The following CALN1 variants were observed in gnomAD, a reference collection of about 807,000 sequenced individuals.
CALN1 encodes the protein calneuron 1, also known as calcium-binding protein 8.
In CALN1, 17 loss-of-function variants were observed where a neutral mutation model predicts 30.6. The ratio of observed to expected loss-of-function variants is 0.56; its 90% CI spans 0.38 to 0.83. The LOEUF (loss-of-function observed/expected upper bound fraction) is 0.83. CALN1 is among the 40% of genes least tolerant of loss of function. The probability of loss-of-function intolerance (pLI) is 0.00; values close to 1 mark genes in which losing one functional copy is unlikely to be tolerated. For missense variants in CALN1, 291 were observed against 354.9 expected (o/e 0.82, Z 1.45); for synonymous variants, 156 against 131.4 (o/e 1.19, Z -1.28).
intron 5 of CALN1, among the ~76,000 whole-genome samples, chr7:71,823,971 A>C (rs1381004561): frequency 6.6e-6 from 1 of 152,114 alleles, no homozygotes; most frequent in African/African-American, 2.4e-5. Context: ...AGTATGGGAA[A>C]GATCCGCCTT....
chr7:71,905,158 T>C (rs13231789), intron 5 of CALN1, among the ~76,000 whole-genome samples: 13,526 of 152,146 alleles, frequency 0.089, 1,019 homozygotes, highest in East Asian at 0.42. Flanking sequence ...GGGCTGGTCT[T>C]GAACTCCCGA....
chr7:72,377,436 CGTGTGTGT>C lies in CALN1; in HGVS notation c.119+25807_119+25814del, dbSNP rs138060244. On this transcript the variant is annotated intron_variant, in intron 2 of 6. Coordinates refer to ENST00000395275, the MANE Select transcript of CALN1 (RefSeq NM_031468.4). The stretch of plus-strand genomic sequence containing the variant: ...CTTTGGGTAATATGGGCCACACTTT[CGTGTGTGT>C]GTGTGTGTGTGTGTGTGTGTGTGTG... Among the ~76,000 whole-genome samples, 692 of 142,386 alleles carry C rather than the reference CGTGTGTGT, an allele frequency of 4.9e-3. 1 individual carries two copies. The highest frequency in any genetic ancestry group is 6.0e-3 in the African/African-American group (225 of 37,756). 93.4% of individuals were successfully genotyped at this position (142,386 alleles called of 152,430 possible).
intron 3 of CALN1, among the ~76,000 whole-genome samples, chr7:72,209,321 CTT>C (rs1562740087): frequency 8.8e-3 from 292 of 33,180 alleles, no homozygotes; most frequent in Middle Eastern, 0.024. Context: ...TCCTTCCCTC[CTT>C]CCCTCTTTCC....
At chr7:72,447,221 G>A (rs995200569), upstream of CALN1, 1 of 152,610 alleles carries the variant, frequency 6.6e-6, no homozygotes, top group Admixed American at 6.5e-5. Flanking sequence ...TAAAGGGCTA[G>A]AGTCCCAATT....
chr7:72,260,429 C>A (rs984441358), intron 3 of CALN1, among the ~76,000 whole-genome samples: 2 of 152,192 alleles, frequency 1.3e-5, no homozygotes, highest in African/African-American at 2.4e-5. Flanking sequence ...CACGGGTGCA[C>A]AGACCCCAGG....
At chr7:72,495,569 C>A in the CALN1 span, among the ~76,000 whole-genome samples, 2 of 152,186 alleles carry the variant, frequency 1.3e-5, no homozygotes, top group Non-Finnish European at 2.9e-5. Context: ...ACCCCATGAG[C>A]AAAAGACCCC....
At chr7:71,971,689 G>A (rs573500579) in intron 5 of CALN1, among the ~76,000 whole-genome samples, 7 of 151,664 alleles carry the variant, frequency 4.6e-5, no homozygotes, top group African/African-American at 1.7e-4. Flanking sequence ...CTTGAGCCTG[G>A]GACTTTGAGA....
chr7:72,246,500 A>C (rs1430712826), intron 3 of CALN1, among the ~76,000 whole-genome samples: 3 of 152,158 alleles, frequency 2.0e-5, no homozygotes, highest in Non-Finnish European at 4.4e-5. Flanking sequence ...GCTAACTTTC[A>C]GTAACTCTAT....
At chr7:72,403,604 TGTTTA>T (rs1456378143) in intron 1 of CALN1, among the ~76,000 whole-genome samples, 162 bp from the exon 2 acceptor site, 2 of 152,160 alleles carry the variant, frequency 1.3e-5, no homozygotes, top group African/African-American at 4.8e-5. Context: ...TTGAGACACA[TGTTTA>T]GTTATTAATA....
chr7:72,008,472 T>C (rs1799895908), intron 5 of CALN1, among the ~76,000 whole-genome samples: 1 of 112,676 alleles, frequency 8.9e-6, no homozygotes, highest in Non-Finnish European at 1.7e-5. Flanking sequence ...TTATAAATGA[T>C]AATAAATGAT....
At chr7:72,267,882 T>C (rs1796698025) in intron 3 of CALN1, among the ~76,000 whole-genome samples, 1 of 152,152 alleles carries the variant, frequency 6.6e-6, no homozygotes, top group Non-Finnish European at 1.5e-5. Context: ...TGTTGTGCAC[T>C]TGTAGCCTCA....
intron 5 of CALN1, among the ~76,000 whole-genome samples, chr7:71,872,088 T>C (rs575426010): frequency 6.6e-6 from 1 of 152,364 alleles, no homozygotes; most frequent in Admixed American, 6.5e-5. Flanking sequence ...AATAACCATA[T>C]GTAGCTCAGG....
chr7:72,478,442 T>A, the CALN1 span, among the ~76,000 whole-genome samples: 1 of 151,090 alleles, frequency 6.6e-6, no homozygotes, highest in African/African-American at 2.4e-5. Context: ...CATGTTCCTG[T>A]AGTCCCAGCT....
intron 3 of CALN1, among the ~76,000 whole-genome samples, chr7:72,229,943 C>T (rs1242456897): frequency 1.3e-5 from 2 of 151,820 alleles, no homozygotes; most frequent in Admixed American, 6.6e-5. Flanking sequence ...GAGATCGAGA[C>T]CATCCTGGCT....
At chr7:72,302,169 G>A (rs947539121) in intron 2 of CALN1, among the ~76,000 whole-genome samples, 6 of 152,068 alleles carry the variant, frequency 3.9e-5, no homozygotes, top group African/African-American at 7.2e-5. Context: ...CAGAGACCAC[G>A]GAGAGGAAAT....
At chr7:72,111,388 G>C (rs1382655512) in intron 3 of CALN1, among the ~76,000 whole-genome samples, 2 of 152,212 alleles carry the variant, frequency 1.3e-5, no homozygotes, top group Admixed American at 6.5e-5. Flanking sequence ...AGAGAGTCTT[G>C]AGCCAAGCAA....
chr7:72,065,507 A>G (rs941935113), intron 4 of CALN1, among the ~76,000 whole-genome samples: 1 of 152,000 alleles, frequency 6.6e-6, no homozygotes, highest in Non-Finnish European at 1.5e-5. Flanking sequence ...GACAACTACC[A>G]TATCTTCACC....
At chr7:72,310,642 G>A (rs1330921054) in intron 2 of CALN1, among the ~76,000 whole-genome samples, 2 of 151,904 alleles carry the variant, frequency 1.3e-5, no homozygotes, top group Non-Finnish European at 2.9e-5. Context: ...GGTGGCTCAT[G>A]CCTATAATCC....
chr7:72,168,807 T>TGTTA (rs1554463088), intron 3 of CALN1, among the ~76,000 whole-genome samples: 1 of 130,252 alleles, frequency 7.7e-6, no homozygotes, highest in East Asian at 2.3e-4. Flanking sequence ...TTATTATTAT[T>TGTTA]TTTTTTTTTT....
Sources: allele counts gnomAD v4.1 joint callset (sites outside exome capture counted in the v4.1 genomes callset), GRCh38; gene constraint gnomAD v4.1.1; transcripts MANE v1.5; gene names NCBI Gene and HGNC (gene_info 2026-07-23, HGNC 2026-07-21).